The following PCDHGA6 variants were observed in gnomAD, a reference collection of about 807,000 sequenced individuals.
PCDHGA6 encodes the protein protocadherin gamma-A6.
In PCDHGA6, 41 loss-of-function variants were observed where a neutral mutation model predicts 60.6. That is an observed-to-expected ratio of 0.68 (90% CI 0.53 to 0.88). The LOEUF is 0.88. PCDHGA6 is among the 40% of genes least tolerant of loss of function. PCDHGA6 has a pLI of 0.00. For synonymous variants in PCDHGA6, 594 were observed against 524.4 expected (o/e 1.13, Z -1.81); for missense variants, 1,312 against 1,203.0 (o/e 1.09, Z -1.34).
chr5:141,428,446 T>C lies in PCDHGA6; in HGVS notation c.2424+51939T>C, dbSNP rs575475897. On this transcript the variant is annotated intron_variant, in intron 1 of 3. Coordinates refer to ENST00000517434, the MANE Select transcript of PCDHGA6 (RefSeq NM_018919.3). The stretch of plus-strand genomic sequence containing the variant: ...CTGTTCTAAGACTAGACCAGGGGTT[T>C]TTCCCAACTACAATGAGGGAACTTT... 4.2e-5 allele frequency: 16 copies of C among 378,218 alleles called. No homozygotes were observed. The East Asian group carries it at 8.8e-4, about 21-fold the overall frequency. 23.4% of individuals were successfully genotyped at this position (378,218 alleles called of 1,614,324 possible). A position where few individuals can be genotyped will look rare whatever the true frequency, so the allele number is the denominator to read the frequency against.
chr5:141,398,643 C>G, intron 1 of PCDHGA6: 2 of 1,614,024 alleles, frequency 1.2e-6, no homozygotes, highest in Non-Finnish European at 1.7e-6. Context: ...AGTATAAACT[C>G]TCTCTTAACC....
chr5:141,407,047 T>C (rs75652968), intron 1 of PCDHGA6, among the ~76,000 whole-genome samples: 6,428 of 152,316 alleles, frequency 0.042, 220 homozygotes, highest in African/African-American at 0.092. Flanking sequence ...GATCCATAGA[T>C]ACACTGATGA....
At chr5:141,394,259 G>T (rs1367261725) in intron 1 of PCDHGA6, 3 of 1,613,936 alleles carry the variant, frequency 1.9e-6, no homozygotes, top group African/African-American at 2.7e-5. Context: ...CCGACAGCCA[G>T]GAGAATGCCC....
intron 1 of PCDHGA6, among the ~76,000 whole-genome samples, chr5:141,456,266 C>G (rs1273258132): frequency 6.6e-6 from 1 of 152,128 alleles, no homozygotes; most frequent in Non-Finnish European, 1.5e-5. Context: ...TTGCTTCTGG[C>G]TACTTCCTGC....
rs769187557 is a variant in PCDHGA6, at chr5:141,433,087, A to C, written c.2424+56580A>C. 2.5e-6 allele frequency: 4 copies of C among 1,614,206 alleles called. No homozygotes were observed. In the Admixed American group the frequency reaches 6.7e-5, roughly 27 times the overall value. On this transcript the variant is annotated intron_variant, in intron 1 of 3. Transcript: ENST00000517434. The stretch of plus-strand genomic sequence containing the variant: ...TGATCTTCCCCCAGCCCAACTATGC[A>C]GACATGCTCGTCAGCCAGGAGAGCT...
In PCDHGA6 at chr5:141,489,950, A is replaced by C. The variant is rs1055715796; in HGVS notation, c.2425-4857A>C. 1 of 1,614,192 alleles carries C rather than the reference A, an allele frequency of 6.2e-7. No homozygotes were observed. The highest frequency in any genetic ancestry group is 1.3e-5 in the African/African-American group (1 of 75,060). ...TCTGTCATCGTGCTGGACATCAATG[A>C]TAATGCTCCAACCTTCCAATCCTCA... is the stretch of plus-strand genomic sequence containing the variant. On this transcript the variant is annotated intron_variant, in intron 1 of 3. Coordinates refer to ENST00000517434, the MANE Select transcript of PCDHGA6 (RefSeq NM_018919.3). The surrounding 1 kb of genome is among the most constrained non-coding windows in gnomAD (Gnocchi z 4.5).
At chr5:141,409,747 C>A in intron 1 of PCDHGA6, 3 of 1,612,994 alleles carry the variant, frequency 1.9e-6, no homozygotes, top group South Asian at 1.1e-5. Flanking sequence ...GGGTGGTGTT[C>A]GCGCAGCGCG....
chr5:141,394,749 G>A (rs1270810324), intron 1 of PCDHGA6: 2 of 1,613,424 alleles, frequency 1.2e-6, no homozygotes, highest in Non-Finnish European at 8.5e-7. Flanking sequence ...CGTGGTGGCC[G>A]TCCAGGACCA....
intron 1 of PCDHGA6, among the ~76,000 whole-genome samples, chr5:141,460,987 ATATATATATGTG>A (rs2099005819): frequency 1.1e-5 from 1 of 92,944 alleles, no homozygotes; most frequent in Admixed American, 9.9e-5. Flanking sequence ...GTGTGTGTAT[ATATATATATGTG>A]TATATATATA....
At chr5:141,492,447 T>G (rs920078908) in intron 1 of PCDHGA6, among the ~76,000 whole-genome samples, 13 of 152,300 alleles carry the variant, frequency 8.5e-5, no homozygotes, top group Middle Eastern at 3.4e-3. Context: ...CGTAGCTGAT[T>G]GTGCGCGCCT....
chr5:141,384,528 C>A (rs1443944722), intron 1 of PCDHGA6: 2 of 1,614,136 alleles, frequency 1.2e-6, no homozygotes, highest in Admixed American at 3.3e-5. Flanking sequence ...CGCCTCTCAG[C>A]AGCAACATGT....
chr5:141,406,757 A>C (rs1274112027), intron 1 of PCDHGA6, among the ~76,000 whole-genome samples: 3 of 152,230 alleles, frequency 2.0e-5, no homozygotes, highest in Non-Finnish European at 4.4e-5. Context: ...CAAAACAAGG[A>C]ATTAAAAATA....
At position 141,485,656 on chromosome 5, in the gene PCDHGA6, T is replaced by C. The variant is rs147216126; in HGVS notation, c.2425-9151T>C. On this transcript the variant is annotated intron_variant, in intron 1 of 3. Coordinates refer to ENST00000517434, the MANE Select transcript of PCDHGA6 (RefSeq NM_018919.3). This position sits in a 1 kb window ranked among gnomAD's most constrained non-coding sequence, Gnocchi z 5.7. ...CGTTGGAAAAGGCTCAGGATGCAGA[T>C]GTGGGGAGCAATTCGATTAGCAGCT... 23 of 1,612,648 alleles carry C rather than the reference T, an allele frequency of 1.4e-5. No homozygotes were observed. The African/African-American group carries it at 2.8e-4, about 20-fold the overall frequency.
chr5:141,381,798 C>CTCTTTCTT (rs372235829), intron 1 of PCDHGA6, among the ~76,000 whole-genome samples: 5 of 144,132 alleles, frequency 3.5e-5, no homozygotes, highest in African/African-American at 8.0e-5. Context: ...AGGCAATTCC[C>CTCTTTCTT]TCTTTCTTTC....
chr5:141,450,948 C>T (rs1250110393), intron 1 of PCDHGA6, among the ~76,000 whole-genome samples: 2 of 151,870 alleles, frequency 1.3e-5, no homozygotes, highest in East Asian at 3.9e-4. Flanking sequence ...CCTCAGCCTC[C>T]CAAGTAGCTG....
At chr5:141,494,181 C>T (rs2099752517) in intron 1 of PCDHGA6, among the ~76,000 whole-genome samples, 1 of 152,136 alleles carries the variant, frequency 6.6e-6, no homozygotes, top group Non-Finnish European at 1.5e-5. Flanking sequence ...GAGAAGTGTC[C>T]CGGGACTTGG....
chr5:141,414,855 C>T (rs2095795912), intron 1 of PCDHGA6: 3 of 1,614,236 alleles, frequency 1.9e-6, no homozygotes, highest in Non-Finnish European at 2.5e-6. Flanking sequence ...TGGACCAGAA[C>T]GACAATGCGC....
In PCDHGA6 at chr5:141,376,066, C is replaced by G; in HGVS notation, c.1983C>G (p.Thr661=). The change falls in exon 1 of 4, where the codon ACC becomes ACG. Residue 661 remains threonine (T), a synonymous_variant. Coordinates refer to ENST00000517434, the MANE Select transcript of PCDHGA6 (RefSeq NM_018919.3). ...QPPLSATVTL[T]VAVADRIPDI... is the part of the protein sequence containing the mutation. ...CTCTCTCCGCCACTGTCACGCTCAC[C>G]GTGGCCGTGGCCGACAGGATCCCCG... 1 of 1,613,396 alleles carries G rather than the reference C, an allele frequency of 6.2e-7. No homozygotes were observed. Among genetic ancestry groups the G allele is most frequent in the Non-Finnish European group, 8.5e-7 (1 of 1,179,888 alleles).
chr5:141,504,161 T>C (rs931754061), intron 2 of PCDHGA6, among the ~76,000 whole-genome samples: 1 of 152,196 alleles, frequency 6.6e-6, no homozygotes, highest in Non-Finnish European at 1.5e-5. Context: ...AATAATTTCA[T>C]CCTTGGAAAT....
Sources: gnomAD v4.1 joint callset for allele counts (sites outside exome capture counted in the v4.1 genomes callset) on GRCh38, gnomAD v4.1.1 for gene constraint, Gnocchi (gnomAD v3.1) non-coding constraint, MANE v1.5 for transcripts, NCBI Gene and HGNC (gene_info 2026-07-23, HGNC 2026-07-21) for gene names.